BRF1: variants seen among roughly 807,000 people sequenced by gnomAD.
The protein encoded by BRF1 is transcription factor IIIB 90 kDa subunit.
Under a neutral mutation model 81.7 loss-of-function variants are expected in BRF1, and 59 were observed. The observed-to-expected ratio is 0.72, with a 90% confidence interval of 0.59 to 0.90. The LOEUF (loss-of-function observed/expected upper bound fraction) is 0.90. BRF1 is among the 40% of genes least tolerant of loss of function. BRF1 has a pLI of 0.00. For missense variants in BRF1, 1,050 were observed against 936.3 expected (o/e 1.12, Z -1.58); for synonymous variants, 491 against 395.6 (o/e 1.24, Z -2.86).
intron 2 of BRF1, among the ~76,000 whole-genome samples, chr14:105,280,596 A>G (rs946140102): frequency 8.7e-5 from 13 of 149,926 alleles, no homozygotes; most frequent in African/African-American, 3.2e-4. Context: ...TGGAGGCTGC[A>G]TGATCCTGAG....
At chr14:105,272,584 A>C in intron 3 of BRF1, 137 bp downstream of exon 3, 2 of 1,147,166 alleles carry the variant, frequency 1.7e-6, no homozygotes, top group East Asian at 2.6e-5. Context: ...GGATCAACTG[A>C]AACAGTTCTT....
chr14:105,301,659 G>T (rs1168142950), upstream of BRF1, among the ~76,000 whole-genome samples: 12 of 152,236 alleles, frequency 7.9e-5, no homozygotes, highest in Admixed American at 7.9e-4. Flanking sequence ...GCTATTCTCC[G>T]TTTTCTGTTC....
rs1333434815 is a variant in BRF1, at chr14:105,228,862, ACCT to A, written c.743_745del (p.Glu248del). Reference sequence around the variant, plus strand: ...CTCACACACTTTGACCACACTGATGACCTCCTTCACAGTCCTCCTGAAGTCATG... The same window carrying A: ...CTCACACACTTTGACCACACTGATGACCTTCACAGTCCTCCTGAAGTCATG... On this transcript the variant is annotated inframe_deletion, in exon 7 of 18. Coordinates refer to ENST00000547530, the MANE Select transcript of BRF1 (RefSeq NM_001519.4). The A allele has an allele frequency of 6.2e-7, 1 of 1,613,662 alleles. No individual in the cohort carries two copies. The highest frequency in any genetic ancestry group is 1.3e-5 in the African/African-American group (1 of 74,890).
Position 105,213,918 on chromosome 14 carries a change from G to C in BRF1, c.1773-1754C>G, listed in dbSNP as rs763868245. On this transcript the variant is annotated intron_variant, in intron 15 of 17. Coordinates refer to ENST00000547530, the MANE Select transcript of BRF1 (RefSeq NM_001519.4). The stretch of plus-strand genomic sequence containing the variant: ...TCCACGCAGTATCCTGTGTGAACCT[G>C]AGGCAGCCAGGCCACACGGGAGGGC... Among the ~76,000 whole-genome samples the C allele has an allele frequency of 5.9e-5, 9 of 152,302 alleles. No homozygotes were observed. In the East Asian group the frequency reaches 7.7e-4, roughly 13 times the overall value.
At chr14:105,246,931 T>C in intron 5 of BRF1, 3 of 985,452 alleles carry the variant, frequency 3.0e-6, no homozygotes, top group Non-Finnish European at 3.6e-6. Context: ...TCTTGTGTGC[T>C]GCTGTAAGTT....
intron 6 of BRF1, among the ~76,000 whole-genome samples, chr14:105,229,266 G>C (rs1017934696): frequency 6.6e-6 from 1 of 152,262 alleles, no homozygotes; most frequent in Non-Finnish European, 1.5e-5. Flanking sequence ...GCGGAGCCAG[G>C]CTGGGCAGGA....
rs587651815 is a variant in BRF1, at chr14:105,269,706, G to A, written c.439+3015C>T. Among the ~76,000 whole-genome samples, 12 of 152,212 alleles carry A rather than the reference G, an allele frequency of 7.9e-5. No individual in the cohort carries two copies. The East Asian group carries it at 1.2e-3, about 15-fold the overall frequency. On this transcript the variant is annotated intron_variant, in intron 3 of 17. Coordinates refer to ENST00000547530, the MANE Select transcript of BRF1 (RefSeq NM_001519.4). This position sits in a 1 kb window ranked among gnomAD's most constrained non-coding sequence, Gnocchi z 5.0. The stretch of plus-strand genomic sequence containing the variant: ...CGGCAGTGCCACAGGACTGCTCTCC[G>A]TCCTGCCTGTCATCACCCCATGAAG...
At chr14:105,245,848 G>A (rs183066629) in intron 5 of BRF1, among the ~76,000 whole-genome samples, 40 of 152,266 alleles carry the variant, frequency 2.6e-4, no homozygotes, top group African/African-American at 8.7e-4. Context: ...AAGACTTCAC[G>A]ACATTGGTCT....
In BRF1 at chr14:105,244,505, G is replaced by C. The variant is rs587741432; in HGVS notation, c.545-3091C>G. ...CAAGACAAATCTGTCAGTGACTAGG[G>C]TGGAGGAGGAAGTGGTGGGCAGCGG... On this transcript the variant is annotated intron_variant, in intron 5 of 17. Coordinates refer to ENST00000547530, the MANE Select transcript of BRF1 (RefSeq NM_001519.4). Among the ~76,000 whole-genome samples, 17 of 144,206 alleles carry C rather than the reference G, an allele frequency of 1.2e-4. No individual in the cohort carries two copies. In the East Asian group the frequency reaches 3.1e-3, roughly 27 times the overall value. 94.6% of individuals were successfully genotyped at this position (144,206 alleles called of 152,430 possible).
At chr14:105,265,781 T>C (rs1444880044) in intron 3 of BRF1, among the ~76,000 whole-genome samples, 1 of 151,874 alleles carries the variant, frequency 6.6e-6, no homozygotes, top group African/African-American at 2.4e-5. Flanking sequence ...GGCACCTGTA[T>C]TCCCAGCTAC....
intron 3 of BRF1, among the ~76,000 whole-genome samples, chr14:105,259,948 A>G (rs894357318): frequency 2.0e-5 from 3 of 152,132 alleles, no homozygotes; most frequent in African/African-American, 7.2e-5. Flanking sequence ...GGCACAGATC[A>G]TATGATTCCA....
In BRF1 at chr14:105,284,583, G is replaced by A. The variant is rs1043671541; in HGVS notation, c.265+1713C>T. Among the ~76,000 whole-genome samples the A allele has an allele frequency of 6.6e-6, 1 of 152,210 alleles. No homozygotes were observed. The highest frequency in any genetic ancestry group is 1.5e-5 in the Non-Finnish European group (1 of 68,042). ...CACACTAAGGCTGCAGGACATGGCT[G>A]CACCGATCACAAGAATCCCTCACGT... On this transcript the variant is annotated intron_variant, in intron 2 of 17. Transcript: ENST00000547530. The surrounding 1 kb of genome is among the most constrained non-coding windows in gnomAD (Gnocchi z 4.0).
At chr14:105,304,746 A>AG (rs1321927524), upstream of BRF1, among the ~76,000 whole-genome samples, 1 of 152,224 alleles carries the variant, frequency 6.6e-6, no homozygotes, top group Non-Finnish European at 1.5e-5. Flanking sequence ...ACAATCATGG[A>AG]GGAAGGCAAG....
At chr14:105,217,329 C>T (rs587654988) in intron 15 of BRF1, 392 of 718,358 alleles carry the variant, frequency 5.5e-4, no homozygotes, top group Non-Finnish European at 7.7e-4. Context: ...CAGCTGGACC[C>T]GCCCGTCCGC....
At chr14:105,229,738 C>T (rs1270313519) in intron 6 of BRF1, among the ~76,000 whole-genome samples, 2 of 26,026 alleles carry the variant, frequency 7.7e-5, no homozygotes, top group African/African-American at 2.8e-4. Context: ...AGTCGCCCAG[C>T]TGGGGGCGGG....
At chr14:105,243,834 A>G (rs587756930) in intron 5 of BRF1, among the ~76,000 whole-genome samples, 31 of 152,114 alleles carry the variant, frequency 2.0e-4, no homozygotes, top group Admixed American at 5.2e-4. Context: ...CATCTCTACT[A>G]AAGATACAAA....
Position 105,286,316 on chromosome 14 carries a change from C to G in BRF1, c.245G>C (p.Arg82Thr). ...AATACCATTCTGCAGGGTCTGCGCT[C>G]TCGACTCCTTCCCCAGATTCACGTG... ...GFHVNLGKES[R>T]AQTLQNGRRH... The change falls in exon 2 of 18, where the codon AGA becomes ACA. Residue 82 changes from arginine to threonine, a missense_variant. Arg to Thr is a moderately conservative substitution (Grantham distance 71). Coordinates refer to ENST00000547530, the MANE Select transcript of BRF1 (RefSeq NM_001519.4). The G allele has an allele frequency of 6.2e-7, 1 of 1,613,638 alleles. No individual in the cohort carries two copies. Among genetic ancestry groups the G allele is most frequent in the Non-Finnish European group, 8.5e-7 (1 of 1,179,864 alleles).
intron 5 of BRF1, among the ~76,000 whole-genome samples, chr14:105,245,675 G>A (rs1246944192): frequency 1.3e-5 from 2 of 152,156 alleles, no homozygotes; most frequent in East Asian, 3.8e-4. Context: ...GCACAATGGG[G>A]AAAGGATGGT....
rs371851332 is a variant in BRF1 at position 105,210,549 on chromosome 14, C to T, written c.*2G>A. 3.1e-6 allele frequency: 5 copies of T among 1,611,108 alleles called. No homozygotes were observed. The highest frequency in any genetic ancestry group is 4.2e-6 in the Non-Finnish European group (5 of 1,179,920). ...GGACATCACCTGCCTGGAGGCCACA[C>T]TTCAGTAGCCGTCGTCCTCATCGCC... is the stretch of plus-strand genomic sequence containing the variant. On this transcript the variant is annotated 3_prime_UTR_variant, in exon 18 of 18. Coordinates refer to ENST00000547530, the MANE Select transcript of BRF1 (RefSeq NM_001519.4). This position sits in a 1 kb window ranked among gnomAD's most constrained non-coding sequence, Gnocchi z 4.7.
Sources: allele counts gnomAD v4.1 joint callset (sites outside exome capture counted in the v4.1 genomes callset), GRCh38; gene constraint gnomAD v4.1.1; non-coding constraint Gnocchi (gnomAD v3.1); transcripts MANE v1.5; gene names NCBI Gene and HGNC (gene_info 2026-07-23, HGNC 2026-07-21).